Variants in SLC1A3 observed in about 807,000 individuals in gnomAD.
SLC1A3 encodes the protein excitatory amino acid transporter 1.
Under a neutral mutation model 48.1 loss-of-function variants are expected in SLC1A3, and 21 were observed. That is an observed-to-expected ratio of 0.44 (90% confidence interval 0.31 to 0.63). The LOEUF (loss-of-function observed/expected upper bound fraction) is 0.63, where lower values mean the gene tolerates loss of function less well. Among genes scored for constraint, SLC1A3 ranks in the 20% least tolerant of loss-of-function variants. The pLI, the probability that SLC1A3 is intolerant of heterozygous loss-of-function variation, is 0.08. For missense variants in SLC1A3, 546 were observed against 689.0 expected (o/e 0.79, Z 2.32); for synonymous variants, 239 against 251.4 (o/e 0.95, Z 0.47).
intron 3 of SLC1A3, among the ~76,000 whole-genome samples, chr5:36,635,331 C>T (rs181463397): frequency 3.3e-5 from 5 of 152,248 alleles, no homozygotes; most frequent in East Asian, 3.9e-4. Flanking sequence ...TAGCTGTTGG[C>T]GGTAAGAGTA....
intron 3 of SLC1A3, among the ~76,000 whole-genome samples, chr5:36,654,440 C>T (rs184010015): frequency 1.7e-4 from 26 of 152,202 alleles, no homozygotes; most frequent in African/African-American, 6.3e-4. Flanking sequence ...TCCCCCCATT[C>T]GAAAGTTATT....
At chr5:36,680,001 T>C (rs1221909468) in intron 7 of SLC1A3, 141 bp downstream of exon 7, 2 of 708,826 alleles carry the variant, frequency 2.8e-6, no homozygotes. Flanking sequence ...CTGATGTCAA[T>C]CACACCTGTT....
rs754181986 is a variant in SLC1A3, at chr5:36,679,616, C to T, written c.861-11C>T. The T allele has an allele frequency of 2.5e-6, 4 of 1,592,300 alleles. No homozygotes were observed. The highest frequency in any genetic ancestry group is 1.1e-5 in the South Asian group (1 of 90,634). The stretch of plus-strand genomic sequence containing the variant: ...CCAGACTCCAACCGTGCTGGTGTTG[C>T]TTCTCCCCAGGTATGCCCCCGTGGG... On this transcript the variant is annotated splice_polypyrimidine_tract_variant and intron_variant, in intron 6 of 9. Transcript: ENST00000265113.
chr5:36,678,519 A>G (rs532928065), intron 6 of SLC1A3, among the ~76,000 whole-genome samples: 8 of 152,344 alleles, frequency 5.3e-5, no homozygotes, highest in Middle Eastern at 6.8e-3. Context: ...AGGTATTCCT[A>G]TGATTTCCTG....
At chr5:36,612,038 A>T (rs760945583) in intron 2 of SLC1A3, among the ~76,000 whole-genome samples, 2 of 152,152 alleles carry the variant, frequency 1.3e-5, no homozygotes, top group Non-Finnish European at 2.9e-5. Context: ...GTAAACTAGC[A>T]GCTTTCTCTG....
upstream of SLC1A3, chr5:36,606,488 T>G (rs1738944109): frequency 1.3e-5 from 2 of 152,286 alleles, no homozygotes; most frequent in Non-Finnish European, 2.9e-5. Context: ...TAATCAATAT[T>G]CCAGAAACCT....
chr5:36,634,620 C>CT (rs370550771), intron 3 of SLC1A3, among the ~76,000 whole-genome samples: 1,512 of 149,018 alleles, frequency 0.01, 32 homozygotes, highest in African/African-American at 0.034. Context: ...TCTAACAATA[C>CT]TTTTTTTTTT....
At chr5:36,678,405 A>G (rs899212632) in intron 6 of SLC1A3, among the ~76,000 whole-genome samples, 4 of 152,196 alleles carry the variant, frequency 2.6e-5, no homozygotes, top group Non-Finnish European at 5.9e-5. Flanking sequence ...CACCTCTTTT[A>G]TGAAAGAAGC....
At chr5:36,625,041 G>A (rs1187842966) in intron 2 of SLC1A3, among the ~76,000 whole-genome samples, 1 of 152,206 alleles carries the variant, frequency 6.6e-6, no homozygotes, top group Non-Finnish European at 1.5e-5. Flanking sequence ...GTGTTTGAGA[G>A]GCATTAAAAG....
chr5:36,680,872 T>C (rs1742415736), intron 8 of SLC1A3, among the ~76,000 whole-genome samples: 1 of 147,676 alleles, frequency 6.8e-6, no homozygotes, highest in East Asian at 2.0e-4. Context: ...GCTGAGATCA[T>C]GCCACTGCAC....
intron 3 of SLC1A3, among the ~76,000 whole-genome samples, chr5:36,658,297 A>G (rs969943740): frequency 2.6e-5 from 4 of 152,158 alleles, no homozygotes; most frequent in Non-Finnish European, 5.9e-5. Flanking sequence ...GGGAATGCTG[A>G]GAAGTCTGGG....
chr5:36,682,777 G>T (rs1161725822), intron 8 of SLC1A3, among the ~76,000 whole-genome samples: 2 of 152,196 alleles, frequency 1.3e-5, no homozygotes, highest in Non-Finnish European at 2.9e-5. Flanking sequence ...CTCCATGCAT[G>T]TCTGACTGGC....
intron 3 of SLC1A3, among the ~76,000 whole-genome samples, chr5:36,650,534 C>T (rs899746510): frequency 2.0e-5 from 3 of 152,172 alleles, no homozygotes; most frequent in African/African-American, 7.2e-5. Context: ...TCTCTGTCTT[C>T]CTTTCCCACC....
chr5:36,606,694 G>A lies in SLC1A3; in HGVS notation c.-137G>A, dbSNP rs1451951288. 2 of 152,258 alleles carry A rather than the reference G, an allele frequency of 1.3e-5. No homozygotes were observed. The highest frequency in any genetic ancestry group is 2.9e-5 in the Non-Finnish European group (2 of 68,088). 9.4% of individuals were successfully genotyped at this position (152,258 alleles called of 1,614,324 possible). On this transcript the variant is annotated 5_prime_UTR_variant, in exon 1 of 10. Coordinates refer to ENST00000265113, the MANE Select transcript of SLC1A3 (RefSeq NM_004172.5). Reference sequence around the variant, plus strand: ...TTGTACCTGCTGGGGAATTCACCTCGTTACTGCTTGATATCTTCCACCCCT... The same window carrying A: ...TTGTACCTGCTGGGGAATTCACCTCATTACTGCTTGATATCTTCCACCCCT...
At chr5:36,654,665 T>G (rs1290593166) in intron 3 of SLC1A3, among the ~76,000 whole-genome samples, 1 of 152,214 alleles carries the variant, frequency 6.6e-6, no homozygotes, top group East Asian at 1.9e-4. Flanking sequence ...CCATATGTCT[T>G]CATGCTACCT....
chr5:36,681,599 C>A (rs1196323417), intron 8 of SLC1A3, among the ~76,000 whole-genome samples: 1 of 152,182 alleles, frequency 6.6e-6, no homozygotes, highest in African/African-American at 2.4e-5. Context: ...ACCTTCCCCC[C>A]ATCTCTTAGT....
chr5:36,644,360 TG>T (rs1740754115), intron 3 of SLC1A3, among the ~76,000 whole-genome samples: 1 of 152,212 alleles, frequency 6.6e-6, no homozygotes, highest in Non-Finnish European at 1.5e-5. Flanking sequence ...GTTAAGTCTT[TG>T]GCTACACTAA....
rs538321546 is a variant in SLC1A3 at position 36,686,442 on chromosome 5, AG to A, written c.*174del. On this transcript the variant is annotated 3_prime_UTR_variant, in exon 10 of 10. Coordinates refer to ENST00000265113, the MANE Select transcript of SLC1A3 (RefSeq NM_004172.5). The stretch of plus-strand genomic sequence containing the variant: ...ACAAGGGAGGATTTTGGGTGGCCAA[AG>A]TGTACAATTTTCATCCCACAATTGA... 2,259 of 633,050 alleles carry A rather than the reference AG, an allele frequency of 3.6e-3. 9 individuals are homozygous for A. Among genetic ancestry groups the A allele is most frequent in the Non-Finnish European group, 3.6e-3 (1,280 of 356,524 alleles). The allele number at this position is 633,050 out of a possible 1,614,324, so 39.2% of individuals were successfully genotyped here.
intron 1 of SLC1A3, among the ~76,000 whole-genome samples, chr5:36,598,091 C>T (rs2111626864): frequency 6.6e-6 from 1 of 152,298 alleles, no homozygotes; most frequent in South Asian, 2.1e-4. Flanking sequence ...TATTTTCATC[C>T]GGACTGTTAG....
Sources: gnomAD v4.1 joint callset for allele counts (sites outside exome capture counted in the v4.1 genomes callset) on GRCh38, gnomAD v4.1.1 for gene constraint, MANE v1.5 for transcripts, NCBI Gene and HGNC (gene_info 2026-07-23, HGNC 2026-07-21) for gene names.